Variants in AGBL1 observed in about 807,000 individuals in gnomAD.
The protein encoded by AGBL1 is cytosolic carboxypeptidase 4.
Under a neutral mutation model 118.9 loss-of-function variants are expected in AGBL1, and 130 were observed. The observed-to-expected ratio is 1.09, with a 90% CI of 0.95 to 1.26. The LOEUF is 1.26. Among genes scored for constraint, AGBL1 ranks in the 50% most tolerant of loss-of-function variants. The pLI is 0.00. For synonymous variants in AGBL1, 555 were observed against 478.9 expected (o/e 1.16, Z -2.08); for missense variants, 1,584 against 1,298.1 (o/e 1.22, Z -3.38).
At position 86,269,905 on chromosome 15, in the gene AGBL1, C is replaced by T; in HGVS notation, c.1839-14C>T. On this transcript the variant is annotated splice_polypyrimidine_tract_variant and intron_variant, in intron 13 of 22. Transcript: ENST00000614907. ...CTTTCCAGATAACCCTCCAGTCTTGCTTCTGATCTGCAGGTTCGAGTATGA... is the reference window on the plus strand; with the variant it reads ...CTTTCCAGATAACCCTCCAGTCTTGTTTCTGATCTGCAGGTTCGAGTATGA... The T allele has an allele frequency of 1.9e-6, 3 of 1,612,950 alleles. No homozygotes were observed. Among genetic ancestry groups the T allele is most frequent in the Non-Finnish European group, 2.5e-6 (3 of 1,179,292 alleles).
chr15:86,301,778 T>C (rs1212501194), intron 17 of AGBL1, among the ~76,000 whole-genome samples: 1 of 151,684 alleles, frequency 6.6e-6, no homozygotes, highest in African/African-American at 2.4e-5. Context: ...AGAGGATGTA[T>C]CTTCATGGTA....
intron 23 of AGBL1, among the ~76,000 whole-genome samples, chr15:86,970,363 T>C (rs1490381688): frequency 1.3e-5 from 2 of 151,968 alleles, no homozygotes; most frequent in Non-Finnish European, 2.9e-5. Context: ...ATTGTTGTCA[T>C]TTATGAATTG....
chr15:86,474,724 G>T (rs529622328), intron 18 of AGBL1, among the ~76,000 whole-genome samples: 1 of 152,208 alleles, frequency 6.6e-6, no homozygotes, highest in Non-Finnish European at 1.5e-5. Flanking sequence ...TTTGAAGACA[G>T]TAGTGGTTCT....
chr15:86,129,510 C>G (rs925875093), intron 1 of AGBL1, among the ~76,000 whole-genome samples: 3 of 151,992 alleles, frequency 2.0e-5, no homozygotes, highest in Non-Finnish European at 4.4e-5. Context: ...TTAGGTTTAC[C>G]GGGAGGAATA....
chr15:86,637,734 A>G (rs1367462347), intron 21 of AGBL1, among the ~76,000 whole-genome samples: 1 of 152,116 alleles, frequency 6.6e-6, no homozygotes, highest in African/African-American at 2.4e-5. Flanking sequence ...GGTAGAATCA[A>G]CAAGACTTGA....
chr15:86,796,115 G>A (rs998418443), intron 22 of AGBL1, among the ~76,000 whole-genome samples: 2 of 151,930 alleles, frequency 1.3e-5, no homozygotes, highest in Non-Finnish European at 2.9e-5. Context: ...CATAAACTTG[G>A]GCCCAGATGA....
chr15:86,196,877 GCGCACACA>G (rs1277060697), intron 5 of AGBL1, among the ~76,000 whole-genome samples: 4 of 86,390 alleles, frequency 4.6e-5, no homozygotes, highest in Non-Finnish European at 8.6e-5. Flanking sequence ...GTGCGCGCGC[GCGCACACA>G]CACACACACA....
At chr15:86,858,739 C>A (rs887768711) in intron 22 of AGBL1, among the ~76,000 whole-genome samples, 1 of 152,120 alleles carries the variant, frequency 6.6e-6, no homozygotes, top group African/African-American at 2.4e-5. Context: ...AAAGTGCTAA[C>A]TGTCATGAAG....
At chr15:86,279,518 A>G (rs777383396) in intron 15 of AGBL1, 121 bp from the exon 16 acceptor site, 6 of 910,458 alleles carry the variant, frequency 6.6e-6, no homozygotes, top group Non-Finnish European at 9.9e-6. Context: ...TTTCAAGTGA[A>G]GGCCATTGTG....
intron 21 of AGBL1, among the ~76,000 whole-genome samples, chr15:86,632,267 T>G (rs543054710): frequency 1.8e-5 from 2 of 113,300 alleles, no homozygotes; most frequent in African/African-American, 6.1e-5. Context: ...GACCCTGTCT[T>G]TCTCTTTAAA....
At chr15:86,125,322 C>T (rs953593050) in intron 1 of AGBL1, among the ~76,000 whole-genome samples, 2 of 152,156 alleles carry the variant, frequency 1.3e-5, no homozygotes, top group African/African-American at 2.4e-5. Flanking sequence ...CATGATGAAG[C>T]CTTTCGTGAC....
At chr15:86,635,630 G>A (rs933069763) in intron 21 of AGBL1, among the ~76,000 whole-genome samples, 2 of 151,882 alleles carry the variant, frequency 1.3e-5, no homozygotes, top group African/African-American at 4.8e-5. Context: ...GCTGGGTCTA[G>A]CAGTAAATAC....
rs142256504 is a variant in AGBL1 at position 86,982,406 on chromosome 15, GT to G, written c.3222-5571del. On this transcript the variant is annotated intron_variant, in intron 23 of 24. Coordinates refer to the AGBL1 transcript ENST00000441037. Reference sequence around the variant, plus strand: ...GTACATTCTTATTTTCTTTTATCTTGTTTTTTTTTTGCTATTATAAACATAG... The same window carrying G: ...GTACATTCTTATTTTCTTTTATCTTGTTTTTTTTTGCTATTATAAACATAG... Among the ~76,000 whole-genome samples the G allele has an allele frequency of 3.3e-4, 47 of 141,172 alleles. 1 individual carries two copies. Among genetic ancestry groups the G allele is most frequent in the South Asian group, 1.4e-3 (6 of 4,444 alleles). The allele number at this position is 141,172 out of a possible 152,430, so 92.6% of individuals were successfully genotyped here. A position where few individuals can be genotyped will look rare whatever the true frequency, so the allele number is the denominator to read the frequency against.
chr15:86,756,933 A>G (rs994593715), intron 22 of AGBL1, among the ~76,000 whole-genome samples: 10 of 148,170 alleles, frequency 6.7e-5, no homozygotes, highest in African/African-American at 2.5e-4. Context: ...TTTGAATCCA[A>G]TAAACATGTC....
In AGBL1 at chr15:86,599,160, T is replaced by A. The variant is rs1468036579; in HGVS notation, c.2994+44623T>A. 3.3e-5 allele frequency among the ~76,000 whole-genome samples: 5 copies of A among 152,178 alleles called. No homozygotes were observed. In the East Asian group the frequency reaches 7.7e-4, roughly 23 times the overall value. On this transcript the variant is annotated intron_variant, in intron 21 of 22. Transcript: ENST00000614907. ...TTTTACCTAGTTTTACTTAGTTTTT[T>A]AAAAGTTTACTAAGTTTTTAAGCCA...
At position 86,780,700 on chromosome 15, in the gene AGBL1, C is replaced by T. The variant is rs140832749; in HGVS notation, c.3158+106264C>T. Reference sequence around the variant, plus strand: ...TTGGTGAGACAGAGTCTCGCTCTGTCGCCCAGGCTGGAGCTCAGTGGCGTG... The same window carrying T: ...TTGGTGAGACAGAGTCTCGCTCTGTTGCCCAGGCTGGAGCTCAGTGGCGTG... On this transcript the variant is annotated intron_variant, in intron 22 of 22. Transcript: ENST00000614907. Among the ~76,000 whole-genome samples, 805 of 146,578 alleles carry T rather than the reference C, an allele frequency of 5.5e-3. 8 individuals carry two copies. Among genetic ancestry groups the T allele is most frequent in the African/African-American group, 0.018 (742 of 40,190 alleles).
At chr15:86,559,278 A>T (rs549086062) in intron 21 of AGBL1, among the ~76,000 whole-genome samples, 1 of 152,326 alleles carries the variant, frequency 6.6e-6, no homozygotes, top group African/African-American at 2.4e-5. Flanking sequence ...ATAAGGAGAT[A>T]AATTTGGGCA....
At chr15:86,925,027 G>T (rs1168934627) in intron 23 of AGBL1, among the ~76,000 whole-genome samples, 3 of 151,670 alleles carry the variant, frequency 2.0e-5, no homozygotes, top group South Asian at 2.1e-4. Context: ...GCTTGAACCC[G>T]GGAGGTGGAG....
exon 25 of AGBL1, chr15:87,028,828 T>C: frequency 1.2e-6 from 2 of 1,606,046 alleles, no homozygotes; most frequent in South Asian, 1.1e-5. Flanking sequence ...TTCTCAGAGT[T>C]TGTGACACTT....
Sources: allele counts gnomAD v4.1 joint callset (sites outside exome capture counted in the v4.1 genomes callset), GRCh38; gene constraint gnomAD v4.1.1; transcripts MANE v1.5; gene names NCBI Gene and HGNC (gene_info 2026-07-23, HGNC 2026-07-21).